Variants in ATP13A5 observed in about 807,000 individuals in gnomAD.
ATP13A5 encodes ATPase 13A5.
In ATP13A5, 149 loss-of-function variants were observed where a neutral mutation model predicts 150.2. The observed-to-expected ratio is 0.99, with a 90% CI of 0.87 to 1.14. The LOEUF (loss-of-function observed/expected upper bound fraction) is 1.14, where lower values mean the gene tolerates loss of function less well. Among genes scored for constraint, ATP13A5 ranks in the 50% most tolerant of loss-of-function variants. ATP13A5 has a pLI of 0.00. For missense variants in ATP13A5, 1,383 were observed against 1,449.3 expected, an observed-to-expected ratio of 0.95 and a Z score of 0.74; for synonymous variants, 497 against 522.2, an observed-to-expected ratio of 0.95 and a Z score of 0.66.
intron 9 of ATP13A5, among the ~76,000 whole-genome samples, chr3:193,336,056 A>G (rs913854966): frequency 1.3e-5 from 2 of 152,194 alleles, no homozygotes; most frequent in Non-Finnish European, 2.9e-5. Flanking sequence ...TAAATGTTCA[A>G]TTAGCAAGAT....
intron 5 of ATP13A5, among the ~76,000 whole-genome samples, chr3:193,354,854 TA>T (rs1712716288): frequency 4.6e-5 from 7 of 151,742 alleles, no homozygotes. Context: ...AAAGGGCTAA[TA>T]CCTCTATTTT....
At chr3:193,281,105 A>G (rs1209307120) in intron 27 of ATP13A5, 2 of 786,528 alleles carry the variant, frequency 2.5e-6, no homozygotes, top group Non-Finnish European at 3.1e-6. Context: ...GAAAAGTAGG[A>G]ATTGCATCTC....
intron 8 of ATP13A5, 113 bp from the exon 9 acceptor site, chr3:193,344,168 C>T: frequency 7.5e-7 from 1 of 1,341,632 alleles, no homozygotes; most frequent in Non-Finnish European, 1.0e-6. Context: ...CCTACCTGTT[C>T]AACTGTTGAA....
At chr3:193,334,376 G>C (rs1264181528) in intron 10 of ATP13A5, among the ~76,000 whole-genome samples, 1 of 152,106 alleles carries the variant, frequency 6.6e-6, no homozygotes, top group Non-Finnish European at 1.5e-5. Flanking sequence ...ATCCAGATTT[G>C]GTGCCACATT....
intron 1 of ATP13A5, among the ~76,000 whole-genome samples, chr3:193,372,817 A>T (rs1577377941): frequency 6.6e-6 from 1 of 152,218 alleles, no homozygotes; most frequent in Admixed American, 6.5e-5. Context: ...GCATCTTGCC[A>T]ATTTCTCACC....
At chr3:193,287,499 T>C (rs996543174) in intron 26 of ATP13A5, among the ~76,000 whole-genome samples, 3 of 152,172 alleles carry the variant, frequency 2.0e-5, no homozygotes, top group African/African-American at 7.2e-5. Context: ...GCCTGTGCTC[T>C]AGAAATGGAA....
chr3:193,310,394 G>A (rs1016942009), intron 21 of ATP13A5, among the ~76,000 whole-genome samples: 18 of 152,276 alleles, frequency 1.2e-4, no homozygotes, highest in African/African-American at 3.8e-4. Context: ...CAGCATTGGG[G>A]TTGCTGGTTC....
chr3:193,290,211 G>C (rs1717895331), intron 25 of ATP13A5, 152 bp from the exon 26 acceptor site: 1 of 687,602 alleles, frequency 1.5e-6, no homozygotes, highest in South Asian at 2.3e-5. Context: ...ACATTGCCTG[G>C]TGGCACATCC....
intron 11 of ATP13A5, among the ~76,000 whole-genome samples, chr3:193,332,409 C>T (rs1350015464): frequency 1.3e-5 from 2 of 152,134 alleles, no homozygotes; most frequent in African/African-American, 4.8e-5. Flanking sequence ...AGAGGAGGCT[C>T]ACACAATTAA....
chr3:193,336,685 C>T (rs527622857), intron 9 of ATP13A5, among the ~76,000 whole-genome samples: 1 of 152,226 alleles, frequency 6.6e-6, no homozygotes, highest in African/African-American at 2.4e-5. Context: ...TGAATAGTGC[C>T]ACAATAAACA....
intron 16 of ATP13A5, among the ~76,000 whole-genome samples, chr3:193,321,070 A>G (rs1166080097): frequency 4.6e-5 from 7 of 152,004 alleles, no homozygotes; most frequent in African/African-American, 1.4e-4. Flanking sequence ...CATTTCCCTC[A>G]TTCACACCTC....
intron 1 of ATP13A5, among the ~76,000 whole-genome samples, chr3:193,376,073 A>C (rs776753599): frequency 1.3e-5 from 2 of 152,112 alleles, no homozygotes; most frequent in Non-Finnish European, 2.9e-5. Context: ...GACAGCCCCC[A>C]AGGCTGGGAC....
chr3:193,278,984 A>C (rs1253088728), intron 28 of ATP13A5, among the ~76,000 whole-genome samples: 1 of 152,172 alleles, frequency 6.6e-6, no homozygotes, highest in East Asian at 1.9e-4. Flanking sequence ...ACTGTCTTAT[A>C]AGTCTATGTT....
At chr3:193,357,331 C>T (rs978848831) in intron 5 of ATP13A5, among the ~76,000 whole-genome samples, 4 of 152,196 alleles carry the variant, frequency 2.6e-5, no homozygotes, top group African/African-American at 4.8e-5. Context: ...CCCATGAGGA[C>T]GGGGATCCAG....
intron 26 of ATP13A5, among the ~76,000 whole-genome samples, chr3:193,288,210 T>C (rs1317487564): frequency 6.6e-6 from 1 of 152,156 alleles, no homozygotes; most frequent in Non-Finnish European, 1.5e-5. Context: ...GAATATTATA[T>C]AAACTTACTT....
Position 193,301,259 on chromosome 3 carries a change from C to G in ATP13A5, c.2727G>C (p.Leu909Phe). 1 of 1,613,414 alleles carries G rather than the reference C, an allele frequency of 6.2e-7. No individual in the cohort carries two copies. Among genetic ancestry groups the G allele is most frequent in the Non-Finnish European group, 8.5e-7 (1 of 1,179,604 alleles). Residue 909 changes from leucine to phenylalanine, a missense_variant, in exon 24 of 30, where the codon TTG (leucine) becomes TTC (phenylalanine). Transcript: ENST00000342358. ...TAAACTGGATTATGCCGTACATGGTCAAGTATTTAAATACTCCAAAGGATG... is the reference window on the plus strand; with the variant it reads ...TAAACTGGATTATGCCGTACATGGTGAAGTATTTAAATACTCCAAAGGATG... ...LVSSFGVFKY[L>F]TMYGIIQFIS...
At chr3:193,340,895 C>G (rs998192818) in intron 9 of ATP13A5, among the ~76,000 whole-genome samples, 4 of 152,138 alleles carry the variant, frequency 2.6e-5, no homozygotes, top group African/African-American at 9.7e-5. Flanking sequence ...TGCTATGTCA[C>G]CTGCAGAGTT....
chr3:193,311,744 C>T, intron 20 of ATP13A5, 72 bp downstream of exon 20: 1 of 1,577,238 alleles, frequency 6.3e-7, no homozygotes, highest in Non-Finnish European at 8.6e-7. Context: ...TCACTGTTTT[C>T]AATACTCTCC....
intron 12 of ATP13A5, among the ~76,000 whole-genome samples, chr3:193,330,216 C>T (rs556175212): frequency 2.4e-4 from 37 of 152,272 alleles, no homozygotes; most frequent in Non-Finnish European, 4.3e-4. Flanking sequence ...CTGTGCCCCG[C>T]GCTTTCCTCA....
Sources: gnomAD v4.1 joint callset for allele counts (sites outside exome capture counted in the v4.1 genomes callset) on GRCh38, gnomAD v4.1.1 for gene constraint, MANE v1.5 for transcripts, NCBI Gene and HGNC (gene_info 2026-07-23, HGNC 2026-07-21) for gene names.